Variants in ZBTB38 observed in about 807,000 individuals in gnomAD.
ZBTB38 encodes the protein zinc finger and BTB domain-containing protein 38.
In ZBTB38, 20 loss-of-function variants were observed where a neutral mutation model predicts 76.8. That is an observed-to-expected ratio of 0.26 (90% CI 0.18 to 0.38). The LOEUF (loss-of-function observed/expected upper bound fraction) is 0.38. ZBTB38 is among the 10% of genes least tolerant of loss of function. The pLI is 1.00. For missense variants in ZBTB38, 1,082 were observed against 1,482.3 expected (o/e 0.73, Z 4.43); for synonymous variants, 504 against 544.2 (o/e 0.93, Z 1.03).
intron 1 of ZBTB38, among the ~76,000 whole-genome samples, chr3:141,350,354 T>C (rs1056301471): frequency 1.3e-5 from 2 of 152,238 alleles, no homozygotes; most frequent in African/African-American, 4.8e-5. Context: ...ACTCTGATTA[T>C]ATTTCTTTTC....
intron 3 of ZBTB38, among the ~76,000 whole-genome samples, chr3:141,382,022 A>C (rs1285994143): frequency 1.3e-5 from 2 of 152,224 alleles, no homozygotes; most frequent in Non-Finnish European, 2.9e-5. Flanking sequence ...CCATTTAAAA[A>C]TATGTTGGAA....
At chr3:141,331,448 C>A (rs1250229680) in intron 1 of ZBTB38, among the ~76,000 whole-genome samples, 1 of 152,242 alleles carries the variant, frequency 6.6e-6, no homozygotes, top group African/African-American at 2.4e-5. Context: ...ACACTGTCGT[C>A]CCCATGGAAG....
intron 1 of ZBTB38, among the ~76,000 whole-genome samples, chr3:141,335,463 G>C (rs1243519886): frequency 6.6e-6 from 1 of 152,168 alleles, no homozygotes; most frequent in East Asian, 1.9e-4. Context: ...GGGCTTAGAT[G>C]GCTGGAAAAC....
chr3:141,380,005 C>CCTATAACTA (rs1945961469), intron 2 of ZBTB38, among the ~76,000 whole-genome samples: 1 of 152,128 alleles, frequency 6.6e-6, no homozygotes, highest in Non-Finnish European at 1.5e-5. Flanking sequence ...ATTCAATTAA[C>CCTATAACTA]CTATAACTAT....
intron 1 of ZBTB38, among the ~76,000 whole-genome samples, chr3:141,325,604 A>G (rs1942649505): frequency 6.6e-6 from 1 of 152,246 alleles, no homozygotes; most frequent in Non-Finnish European, 1.5e-5. Context: ...AATAAAATGT[A>G]ACCTAGGAGA....
At position 141,449,076 on chromosome 3, in the gene ZBTB38, C is replaced by T. The variant is rs751067550; in HGVS notation, c.*3100C>T. 2.6e-4 allele frequency: 40 copies of T among 152,182 alleles called. 1 individual carries two copies. The highest frequency in any genetic ancestry group is 2.0e-4 in the Admixed American group (3 of 15,278). 9.4% of individuals were successfully genotyped at this position (152,182 alleles called of 1,614,324 possible). A position where few individuals can be genotyped will look rare whatever the true frequency, so the allele number is the denominator to read the frequency against. ...GGCTATTTCATTAACACACACGCAC[C>T]AGAATTCGACCTCATTATCCTCGTT... On this transcript the variant is annotated 3_prime_UTR_variant, in exon 6 of 6. Coordinates refer to ENST00000321464, the MANE Select transcript of ZBTB38 (RefSeq NM_001376113.1).
chr3:141,331,481 C>G (rs2148881602), intron 1 of ZBTB38, among the ~76,000 whole-genome samples: 1 of 152,342 alleles, frequency 6.6e-6, no homozygotes, highest in South Asian at 2.1e-4. Flanking sequence ...GTACAGCTTT[C>G]ACCTGTACAG....
chr3:141,362,122 A>T (rs1167893310), intron 1 of ZBTB38, among the ~76,000 whole-genome samples: 1 of 152,190 alleles, frequency 6.6e-6, no homozygotes, highest in Non-Finnish European at 1.5e-5. Flanking sequence ...GTATTATACT[A>T]GAAGGTTTTG....
chr3:141,385,501 G>A (rs142413798), intron 3 of ZBTB38, among the ~76,000 whole-genome samples: 254 of 152,222 alleles, frequency 1.7e-3, no homozygotes, highest in African/African-American at 5.8e-3. Flanking sequence ...AGCAAGCTAT[G>A]CTGTTTTCCT....
At chr3:141,401,649 T>C (rs1298030114) in intron 4 of ZBTB38, among the ~76,000 whole-genome samples, 6 of 151,324 alleles carry the variant, frequency 4.0e-5, no homozygotes, top group Non-Finnish European at 7.4e-5. Context: ...AATAAGACTC[T>C]ACTGTCAAAA....
intron 5 of ZBTB38, among the ~76,000 whole-genome samples, chr3:141,424,339 C>G (rs998430888): frequency 6.6e-6 from 1 of 151,946 alleles, no homozygotes; most frequent in Non-Finnish European, 1.5e-5. Context: ...GGCAACATGG[C>G]AAGACCCTGA....
At chr3:141,429,953 G>T (rs1172010081) in intron 5 of ZBTB38, among the ~76,000 whole-genome samples, 1 of 152,238 alleles carries the variant, frequency 6.6e-6, no homozygotes, top group Non-Finnish European at 1.5e-5. Context: ...GGCCTTGCTG[G>T]GCACTGGGAA....
intron 1 of ZBTB38, among the ~76,000 whole-genome samples, chr3:141,353,291 T>A (rs925645778): frequency 6.6e-6 from 1 of 152,074 alleles, no homozygotes; most frequent in Admixed American, 6.6e-5. Context: ...CTCTCTTCTT[T>A]CCATGAGTTC....
intron 2 of ZBTB38, among the ~76,000 whole-genome samples, chr3:141,371,622 C>T (rs1181895738): frequency 1.3e-5 from 2 of 152,150 alleles, no homozygotes; most frequent in East Asian, 3.8e-4. Context: ...GGATAACAGG[C>T]ATGAGCCACC....
chr3:141,409,414 G>T (rs978130119), intron 5 of ZBTB38, among the ~76,000 whole-genome samples: 6 of 152,038 alleles, frequency 3.9e-5, no homozygotes, highest in Admixed American at 3.9e-4. Context: ...CCACACTCTG[G>T]GCTGCCTCCC....
rs1014675231 is a variant in ZBTB38 at position 141,368,513 on chromosome 3, G to C, written c.-601G>C. ...CTGAAGCCAGGAAACTAGTTGGGGA[G>C]TGGCACTCGCAGCTGCAGCAAATCT... On this transcript the variant is annotated 5_prime_UTR_variant, in exon 1 of 6. Transcript: ENST00000321464. 1.3e-5 allele frequency: 2 copies of C among 152,326 alleles called. No individual in the cohort carries two copies. Among genetic ancestry groups the C allele is most frequent in the Non-Finnish European group, 2.9e-5 (2 of 68,160 alleles). The allele number at this position is 152,326 out of a possible 1,614,324, so 9.4% of individuals were successfully genotyped here. A position where few individuals can be genotyped will look rare whatever the true frequency, so the allele number is the denominator to read the frequency against.
intron 4 of ZBTB38, among the ~76,000 whole-genome samples, chr3:141,401,680 T>A (rs1436981625): frequency 4.8e-5 from 7 of 145,836 alleles, no homozygotes; most frequent in South Asian, 2.2e-4. Context: ...ATGGACGATT[T>A]AAAAAAAAAA....
intron 5 of ZBTB38, among the ~76,000 whole-genome samples, chr3:141,419,640 A>G (rs1362537157): frequency 1.3e-5 from 2 of 152,046 alleles, no homozygotes; most frequent in South Asian, 2.1e-4. Flanking sequence ...TAGAAATACA[A>G]TTTCCCAGCC....
intron 5 of ZBTB38, chr3:141,434,382 C>CT (rs2078276110): frequency 7.9e-6 from 1 of 126,138 alleles, no homozygotes; most frequent in African/African-American, 3.1e-5. Context: ...AGAGTGTGTG[C>CT]TGTGTGTGCA....
Sources: allele counts gnomAD v4.1 joint callset (sites outside exome capture counted in the v4.1 genomes callset), GRCh38; gene constraint gnomAD v4.1.1; transcripts MANE v1.5; gene names NCBI Gene and HGNC (gene_info 2026-07-23, HGNC 2026-07-21).